RARB: variants seen among roughly 807,000 people sequenced by gnomAD.
RARB encodes the protein HBV-activated protein.
In RARB, 17 loss-of-function variants were observed where a neutral mutation model predicts 51.9. That is an observed-to-expected ratio of 0.33 (90% CI 0.22 to 0.49). The LOEUF is 0.49. Ranked by LOEUF, RARB falls within the 20% of genes least tolerant of loss-of-function variation. The pLI is 0.99. For synonymous variants in RARB, 215 were observed against 195.4 expected, an observed-to-expected ratio of 1.10 and a Z score of -0.84; for missense variants, 369 against 550.8, an observed-to-expected ratio of 0.67 and a Z score of 3.30.
intron 4 of RARB, 121 bp downstream of exon 4, chr3:25,570,039 A>AGGGGCTTGCATGCTAGCCAGCT: frequency 1.5e-6 from 2 of 1,357,582 alleles, no homozygotes; most frequent in Non-Finnish European, 2.0e-6. Flanking sequence ...TGGGCCTGGC[A>AGGGGCTTGCATGCTAGCCAGCT]GGGGCTTGCA....
chr3:25,533,953 T>C (rs1699029927), intron 3 of RARB, among the ~76,000 whole-genome samples: 1 of 152,208 alleles, frequency 6.6e-6, no homozygotes, highest in East Asian at 1.9e-4. Flanking sequence ...CTTTCAGTGC[T>C]CTTAGGGGGC....
chr3:25,081,621 ATTTTTTTTTTTTTT>A (rs1168828068), intron 3 of RARB, among the ~76,000 whole-genome samples: 2 of 5,802 alleles, frequency 3.4e-4, no homozygotes, highest in African/African-American at 1.2e-3. Context: ...ATATATATAT[ATTTTTTTTTTTTTT>A]TTTTTTTTTT....
chr3:24,857,285 C>T (rs542900142), intron 1 of RARB, among the ~76,000 whole-genome samples: 1 of 152,252 alleles, frequency 6.6e-6, no homozygotes, highest in African/African-American at 2.4e-5. Context: ...GGAGTCTGTT[C>T]CAAAGTTTTT....
At chr3:24,981,021 C>T (rs1334728926) in intron 2 of RARB, among the ~76,000 whole-genome samples, 1 of 152,158 alleles carries the variant, frequency 6.6e-6, no homozygotes, top group Admixed American at 6.5e-5. Context: ...AACAGACAGG[C>T]CCTTCAGCTG....
At chr3:24,957,118 C>T (rs1312304706) in intron 2 of RARB, among the ~76,000 whole-genome samples, 1 of 152,158 alleles carries the variant, frequency 6.6e-6, no homozygotes, top group Non-Finnish European at 1.5e-5. Flanking sequence ...GGGCCTTCAC[C>T]AAGAGCTATG....
intron 2 of RARB, among the ~76,000 whole-genome samples, chr3:24,960,520 G>GGGCT (rs1184932590): frequency 2.0e-5 from 3 of 152,170 alleles, no homozygotes; most frequent in Non-Finnish European, 4.4e-5. Context: ...ATGCATACTT[G>GGGCT]GGCTAAGAGG....
At position 25,559,635 on chromosome 3, in the gene RARB, A is replaced by G. The variant is rs376409191; in HGVS notation, c.449-10123A>G. On this transcript the variant is annotated intron_variant, in intron 3 of 7. Transcript: ENST00000330688. Reference sequence around the variant, plus strand: ...CAATAACTATTTGAGCAGAAGAAGAAATAAATAGATGGATATATGGTTGGA... The same window carrying G: ...CAATAACTATTTGAGCAGAAGAAGAGATAAATAGATGGATATATGGTTGGA... 2.4e-4 allele frequency among the ~76,000 whole-genome samples: 36 copies of G among 152,352 alleles called. No individual in the cohort carries two copies. In the East Asian group the frequency reaches 4.0e-3, roughly 17 times the overall value.
intron 1 of RARB, among the ~76,000 whole-genome samples, chr3:24,840,477 T>C (rs1702406341): frequency 6.6e-6 from 1 of 152,068 alleles, no homozygotes; most frequent in African/African-American, 2.4e-5. Flanking sequence ...GTAGTGACAG[T>C]TTTGGACTTG....
intron 5 of RARB, among the ~76,000 whole-genome samples, chr3:25,394,610 G>A (rs1481708736): frequency 1.3e-5 from 2 of 152,086 alleles, no homozygotes; most frequent in East Asian, 3.9e-4. Flanking sequence ...ATTTAGGATT[G>A]TGATATTTTC....
At chr3:25,231,628 G>C (rs1457789578) in intron 5 of RARB, among the ~76,000 whole-genome samples, 1 of 152,118 alleles carries the variant, frequency 6.6e-6, no homozygotes. Flanking sequence ...AGCCATTCTA[G>C]TGTGTAATGG....
intron 2 of RARB, among the ~76,000 whole-genome samples, chr3:25,049,372 C>A (rs78535760): frequency 1.3e-5 from 2 of 152,148 alleles, no homozygotes; most frequent in Non-Finnish European, 2.9e-5. Flanking sequence ...TGCCAAGTAT[C>A]GATTTAGGGT....
intron 5 of RARB, among the ~76,000 whole-genome samples, chr3:25,345,060 G>C (rs1178272087): frequency 6.6e-6 from 1 of 152,186 alleles, no homozygotes; most frequent in Non-Finnish European, 1.5e-5. Flanking sequence ...CAGACATGCT[G>C]AAGTTTGGAT....
chr3:25,078,011 C>T (rs1698911390), intron 3 of RARB, among the ~76,000 whole-genome samples: 1 of 151,882 alleles, frequency 6.6e-6, no homozygotes, highest in African/African-American at 2.4e-5. Context: ...TATAAATCTA[C>T]CTATTTTTGT....
intron 1 of RARB, among the ~76,000 whole-genome samples, chr3:25,443,012 T>C (rs748046259): frequency 1.1e-4 from 16 of 152,132 alleles, no homozygotes; most frequent in Non-Finnish European, 2.2e-4. Context: ...TCAGTTTGCC[T>C]TCTGGGAAAT....
intron 5 of RARB, among the ~76,000 whole-genome samples, chr3:25,311,716 G>A (rs1704294410): frequency 6.6e-6 from 1 of 152,124 alleles, no homozygotes; most frequent in South Asian, 2.1e-4. Flanking sequence ...TTGCCAAATG[G>A]GTTCCATTCT....
chr3:25,448,159 G>A (rs964323802), intron 1 of RARB, among the ~76,000 whole-genome samples: 6 of 152,050 alleles, frequency 3.9e-5, no homozygotes, highest in Admixed American at 6.6e-5. Context: ...CAGGAAGGCC[G>A]ACTCCCGAGT....
intron 2 of RARB, among the ~76,000 whole-genome samples, chr3:25,466,115 A>G (rs946200198): frequency 9.9e-5 from 15 of 152,252 alleles, no homozygotes; most frequent in Admixed American, 9.2e-4. Flanking sequence ...TGTATAAAGC[A>G]TATAGAATAG....
chr3:25,036,130 T>C (rs901315763), intron 2 of RARB, among the ~76,000 whole-genome samples: 1 of 152,194 alleles, frequency 6.6e-6, no homozygotes, highest in Non-Finnish European at 1.5e-5. Context: ...TTCTGGCTTT[T>C]TATGTTTTTT....
intron 5 of RARB, among the ~76,000 whole-genome samples, chr3:25,418,132 C>T (rs1575386283): frequency 1.3e-5 from 2 of 152,294 alleles, no homozygotes; most frequent in African/African-American, 4.8e-5. Context: ...ATGGCCACAC[C>T]TAGCTGCGAA....
Sources: gnomAD v4.1 joint callset for allele counts (sites outside exome capture counted in the v4.1 genomes callset) on GRCh38, gnomAD v4.1.1 for gene constraint, MANE v1.5 for transcripts, NCBI Gene and HGNC (gene_info 2026-07-23, HGNC 2026-07-21) for gene names.